Variants in GRIA2 observed in about 807,000 individuals in gnomAD.
GRIA2 encodes the protein glutamate receptor 2.
Under a neutral mutation model 97.3 loss-of-function variants are expected in GRIA2, and 14 were observed. That is an observed-to-expected ratio of 0.14 (90% CI 0.10 to 0.23). The LOEUF (loss-of-function observed/expected upper bound fraction) is 0.23. GRIA2 is among the 10% of genes least tolerant of loss of function. GRIA2 has a pLI of 1.00. For missense variants in GRIA2, 558 were observed against 1,069.8 expected, an observed-to-expected ratio of 0.52 and a Z score of 6.67; for synonymous variants, 412 against 387.8, an observed-to-expected ratio of 1.06 and a Z score of -0.73.
chr4:157,226,443 A>G (rs530749225), intron 2 of GRIA2, among the ~76,000 whole-genome samples: 1 of 152,112 alleles, frequency 6.6e-6, no homozygotes, highest in Non-Finnish European at 1.5e-5. Flanking sequence ...GTTTTAGAAG[A>G]TAAAGACTGT....
chr4:157,260,683 C>T (rs1281476253), intron 2 of GRIA2, among the ~76,000 whole-genome samples: 1 of 151,994 alleles, frequency 6.6e-6, no homozygotes, highest in Non-Finnish European at 1.5e-5. Flanking sequence ...TGCCCAGTTT[C>T]AATTGCTATC....
In GRIA2 at chr4:157,221,030, A is replaced by G. The variant is rs1365220076; in HGVS notation, c.-13A>G. On this transcript the variant is annotated 5_prime_UTR_variant, in exon 1 of 16. Transcript: ENST00000264426. ...AAAAGGGGTATATTGTGGATGCTCT[A>G]CTTTTCTTGGAAATGCAAAAGATTA... is the stretch of plus-strand genomic sequence containing the variant. 1.4e-6 allele frequency: 2 copies of G among 1,409,002 alleles called. No individual in the cohort carries two copies. The highest frequency in any genetic ancestry group is 2.0e-6 in the Non-Finnish European group (2 of 992,750). 87.3% of individuals were successfully genotyped at this position (1,409,002 alleles called of 1,614,324 possible). A position where few individuals can be genotyped will look rare whatever the true frequency, so the allele number is the denominator to read the frequency against.
At chr4:157,249,536 CAGTT>C (rs1730930639) in intron 2 of GRIA2, 1 of 152,112 alleles carries the variant, frequency 6.6e-6, no homozygotes, top group African/African-American at 2.4e-5. Flanking sequence ...AAAGGTGACA[CAGTT>C]ATTTATAGAA....
At chr4:157,351,028 G>C (rs1735990328) in intron 12 of GRIA2, among the ~76,000 whole-genome samples, 1 of 137,654 alleles carries the variant, frequency 7.3e-6, no homozygotes, top group South Asian at 2.4e-4. Context: ...TGAAATATTT[G>C]TCATGTATAT....
intron 2 of GRIA2, among the ~76,000 whole-genome samples, chr4:157,262,331 T>C (rs1213704564): frequency 6.6e-6 from 1 of 152,122 alleles, no homozygotes; most frequent in Admixed American, 6.6e-5. Context: ...TTATCATCCC[T>C]TGATCTCTTT....
At chr4:157,260,299 A>G (rs1174360706) in intron 2 of GRIA2, among the ~76,000 whole-genome samples, 1 of 152,128 alleles carries the variant, frequency 6.6e-6, no homozygotes, top group Admixed American at 6.6e-5. Flanking sequence ...GTTAATTACA[A>G]TAAAAATAGA....
Position 157,361,245 on chromosome 4 carries a change from G to A in GRIA2, c.2406+121G>A. ...AACGCTAAGCTGAAGAGTGCAATTGGATGACCAGGACACTTGACTTCTTCT... is the reference window on the plus strand; with the variant it reads ...AACGCTAAGCTGAAGAGTGCAATTGAATGACCAGGACACTTGACTTCTTCT... On this transcript the variant is annotated intron_variant, in intron 14 of 15. Transcript: ENST00000264426. The surrounding 1 kb of genome is among the most constrained non-coding windows in gnomAD (Gnocchi z 5.2). 1.4e-6 allele frequency: 1 copy of A among 721,956 alleles called. No homozygotes were observed. The highest frequency in any genetic ancestry group is 3.8e-4 in the Middle Eastern group (1 of 2,640). The allele number at this position is 721,956 out of a possible 1,614,324, so 44.7% of individuals were successfully genotyped here.
chr4:157,294,791 C>T (rs560468383), intron 2 of GRIA2, among the ~76,000 whole-genome samples: 4 of 152,228 alleles, frequency 2.6e-5, no homozygotes, highest in East Asian at 1.9e-4. Flanking sequence ...AAGGATTAGA[C>T]GCCAGGCCTG....
At chr4:157,297,452 G>A (rs1733400366) in intron 2 of GRIA2, among the ~76,000 whole-genome samples, 1 of 152,020 alleles carries the variant, frequency 6.6e-6, no homozygotes, top group South Asian at 2.1e-4. Context: ...GACTCATAGG[G>A]CCAACACTCT....
chr4:157,313,482 T>C (rs1734176331), intron 4 of GRIA2, among the ~76,000 whole-genome samples: 1 of 152,170 alleles, frequency 6.6e-6, no homozygotes. Context: ...AAAGAATCAC[T>C]GACACCAGTG....
Position 157,361,604 on chromosome 4 carries a change from A to G in GRIA2, c.2406+480A>G, listed in dbSNP as rs772658821. The G allele has an allele frequency of 6.2e-7, 1 of 1,613,178 alleles. No individual in the cohort carries two copies. ...GCGTCTTAGACAAGCTGAAAAACAAATGGTGGTACGATAAAGGTGAATGTG... is the reference window on the plus strand; with the variant it reads ...GCGTCTTAGACAAGCTGAAAAACAAGTGGTGGTACGATAAAGGTGAATGTG... On this transcript the variant is annotated intron_variant, in intron 14 of 15. Transcript: ENST00000264426. This position sits in a 1 kb window ranked among gnomAD's most constrained non-coding sequence, Gnocchi z 5.2.
At position 157,336,664 on chromosome 4, in the gene GRIA2, A is replaced by C. The variant is rs748512581; in HGVS notation, c.1761A>C (p.Glu587Asp). Reference protein sequence around the residue: ...FEDGRETQSSESTNEFGIFNS... With the variant: ...FEDGRETQSSDSTNEFGIFNS... Reference sequence around the variant, plus strand: ...ATGGAAGAGAAACACAAAGTAGTGAATCAACTAATGAATTTGGGATTTTTA... The same window carrying C: ...ATGGAAGAGAAACACAAAGTAGTGACTCAACTAATGAATTTGGGATTTTTA... Residue 587 changes from glutamate to aspartate, a missense_variant, in exon 11 of 16, where the codon GAA becomes GAC. Coordinates refer to ENST00000264426, the MANE Select transcript of GRIA2 (RefSeq NM_001083619.3). 20 of 1,612,928 alleles carry C rather than the reference A, an allele frequency of 1.2e-5. No individual in the cohort carries two copies. The highest frequency in any genetic ancestry group is 1.7e-5 in the Admixed American group (1 of 59,890).
At chr4:157,244,156 A>G (rs1730629070) in intron 2 of GRIA2, among the ~76,000 whole-genome samples, 1 of 151,914 alleles carries the variant, frequency 6.6e-6, no homozygotes, top group African/African-American at 2.4e-5. Context: ...AACTAAATAC[A>G]AAGGGCCTGA....
chr4:157,327,155 C>A (rs546115963), intron 6 of GRIA2, among the ~76,000 whole-genome samples: 4 of 152,074 alleles, frequency 2.6e-5, no homozygotes, highest in Non-Finnish European at 5.9e-5. Context: ...TAGAAATAAG[C>A]CTTTCAAAGG....
At chr4:157,342,222 C>A (rs1171892079) in intron 12 of GRIA2, 1 of 981,646 alleles carries the variant, frequency 1.0e-6, no homozygotes, top group Non-Finnish European at 1.2e-6. Context: ...CAAATATATT[C>A]GAATATATCT....
At chr4:157,355,783 A>T (rs1295999253) in intron 12 of GRIA2, among the ~76,000 whole-genome samples, 4 of 57,768 alleles carry the variant, frequency 6.9e-5, no homozygotes, top group Non-Finnish European at 1.1e-4. Context: ...TTATATATTT[A>T]TATATATTAG....
intron 12 of GRIA2, among the ~76,000 whole-genome samples, chr4:157,349,160 A>C (rs1735892051): frequency 6.6e-6 from 1 of 152,178 alleles, no homozygotes; most frequent in Admixed American, 6.5e-5. Flanking sequence ...TCTATGGCTT[A>C]GTAATATGAT....
chr4:157,353,214 T>C (rs1322008477), intron 12 of GRIA2, among the ~76,000 whole-genome samples: 1 of 151,700 alleles, frequency 6.6e-6, no homozygotes, highest in African/African-American at 2.4e-5. Flanking sequence ...TAGACCAGCG[T>C]GGTGGCGCAT....
rs1277122207 is a variant in GRIA2, at chr4:157,361,118, T to C, written c.2400T>C (p.Asp800=). ...DKGECGSGGG[D]SKEKTSALSL... ...GAGAGTGCGGCAGCGGGGGAGGTGA[T>C]TCCAAGGTCAGCCCCAGTGAGAAAA... Residue 800 remains aspartate (D), a synonymous_variant, in exon 14 of 16, where the codon GAT becomes GAC. Transcript: ENST00000264426. This position sits in a 1 kb window ranked among gnomAD's most constrained non-coding sequence, Gnocchi z 5.2. 1 of 1,605,272 alleles carries C rather than the reference T, an allele frequency of 6.2e-7. No homozygotes were observed. The highest frequency in any genetic ancestry group is 2.2e-5 in the East Asian group (1 of 44,746).
Sources: allele counts gnomAD v4.1 joint callset (sites outside exome capture counted in the v4.1 genomes callset), GRCh38; gene constraint gnomAD v4.1.1; non-coding constraint Gnocchi (gnomAD v3.1); transcripts MANE v1.5; gene names NCBI Gene and HGNC (gene_info 2026-07-23, HGNC 2026-07-21).